UNC80: variants seen among roughly 807,000 people sequenced by gnomAD.
UNC80 encodes protein unc-80 homolog.
In UNC80, 164 loss-of-function variants were observed where a neutral mutation model predicts 384.6. The observed-to-expected ratio is 0.43, with a 90% CI of 0.38 to 0.49. UNC80 has a LOEUF of 0.49. Ranked by LOEUF, UNC80 falls within the 20% of genes least tolerant of loss-of-function variation. UNC80 has a pLI of 0.00. For synonymous variants in UNC80, 1,486 were observed against 1,527.8 expected (o/e 0.97, Z 0.64); for missense variants, 3,330 against 4,143.0 (o/e 0.80, Z 5.39).
intron 9 of UNC80, 135 bp downstream of exon 9, chr2:209,815,526 T>G (rs2079671390): frequency 3.5e-6 from 3 of 868,154 alleles, no homozygotes; most frequent in Non-Finnish European, 5.2e-6. Flanking sequence ...AGCTCCTAGA[T>G]GTGACACTGA....
intron 51 of UNC80, among the ~76,000 whole-genome samples, chr2:209,962,774 T>C (rs1366197719): frequency 6.6e-6 from 1 of 152,200 alleles, no homozygotes; most frequent in Non-Finnish European, 1.5e-5. Context: ...CAGATCCAGA[T>C]GCTTTGAACT....
At chr2:209,991,351 T>A (rs1294732672) in intron 61 of UNC80, among the ~76,000 whole-genome samples, 1 of 152,188 alleles carries the variant, frequency 6.6e-6, no homozygotes, top group Non-Finnish European at 1.5e-5. Flanking sequence ...CTTTTATACA[T>A]GCATGCAGAA....
intron 48 of UNC80, among the ~76,000 whole-genome samples, chr2:209,957,358 T>C (rs1194138731): frequency 6.6e-6 from 1 of 152,162 alleles, no homozygotes; most frequent in Non-Finnish European, 1.5e-5. Context: ...TCTGTAGATA[T>C]TTCATAAATG....
chr2:209,840,499 T>A, intron 19 of UNC80, 43 bp from the exon 20 acceptor site: 1 of 1,483,122 alleles, frequency 6.7e-7, no homozygotes, highest in Non-Finnish European at 9.2e-7. Flanking sequence ...ATTGATTGGA[T>A]AGAAAATGCT....
intron 2 of UNC80, among the ~76,000 whole-genome samples, chr2:209,773,937 C>T (rs2076724279): frequency 6.6e-6 from 1 of 152,160 alleles, no homozygotes; most frequent in African/African-American, 2.4e-5. Flanking sequence ...ATTCTTGTTT[C>T]ACAAATTGAG....
chr2:209,982,096 A>G, intron 59 of UNC80, 83 bp from the exon 60 acceptor site: 1 of 1,414,914 alleles, frequency 7.1e-7, no homozygotes, highest in South Asian at 1.4e-5. Context: ...CAAGCCAAGG[A>G]CAGAACCCAA....
At chr2:209,957,474 A>C (rs1258349780) in intron 48 of UNC80, among the ~76,000 whole-genome samples, 170 bp from the exon 49 acceptor site, 3 of 152,210 alleles carry the variant, frequency 2.0e-5, no homozygotes, top group Non-Finnish European at 4.4e-5. Context: ...TGTTCTTTTA[A>C]AGTGCCTCTC....
chr2:209,828,247 A>G (rs748214594), intron 14 of UNC80, among the ~76,000 whole-genome samples: 8 of 152,168 alleles, frequency 5.3e-5, no homozygotes, highest in Non-Finnish European at 1.0e-4. Flanking sequence ...TTTATGCAAA[A>G]TATATTTTAC....
At chr2:209,843,513 A>G (rs1249906052) in intron 21 of UNC80, among the ~76,000 whole-genome samples, 5 of 152,168 alleles carry the variant, frequency 3.3e-5, no homozygotes, top group Non-Finnish European at 7.4e-5. Flanking sequence ...AATAATTTTG[A>G]GGAGAATCCA....
At chr2:209,932,636 A>G (rs1296014303) in intron 38 of UNC80, among the ~76,000 whole-genome samples, 3 of 152,198 alleles carry the variant, frequency 2.0e-5, no homozygotes, top group African/African-American at 7.2e-5. Context: ...TAAAAGAAAT[A>G]AATCTCCAAA....
chr2:209,820,620 G>A lies in UNC80; in HGVS notation c.2272G>A (p.Gly758Arg). 1.3e-6 allele frequency: 2 copies of A among 1,550,516 alleles called. No individual in the cohort carries two copies. The highest frequency in any genetic ancestry group is 1.7e-6 in the Non-Finnish European group (2 of 1,146,486). Residue 758 changes from glycine to arginine, a missense_variant, in exon 13 of 65, where the codon GGA becomes AGA. Gly to Arg is a moderately radical substitution (Grantham distance 125). This residue lies in a region of UNC80 where 937 missense variants were observed against 1,026.8 expected (regional missense o/e 0.91). Transcript: ENST00000673920. ...GDGGGGGGDGGGGGGGGGGPY... is the reference protein window; with the variant it reads ...GDGGGGGGDGRGGGGGGGGPY... ...TGGAGGAGGTGGAGGAGGTGATGGAGGAGGAGGTGGAGGAGGTGGAGGCGG... is the reference window on the plus strand; with the variant it reads ...TGGAGGAGGTGGAGGAGGTGATGGAAGAGGAGGTGGAGGAGGTGGAGGCGG...
At chr2:209,840,183 G>T (rs10178431) in intron 19 of UNC80, among the ~76,000 whole-genome samples, 28,701 of 151,888 alleles carry the variant, frequency 0.19, 3,756 homozygotes, top group African/African-American at 0.36. Context: ...GCTAGTAGGT[G>T]AGGTATAAGT....
rs949514083 is a variant in UNC80 at position 209,936,883 on chromosome 2, A to G, written c.6313A>G (p.Thr2105Ala). 11 of 1,551,002 alleles carry G rather than the reference A, an allele frequency of 7.1e-6. No individual in the cohort carries two copies. The highest frequency in any genetic ancestry group is 9.6e-6 in the Non-Finnish European group (11 of 1,146,526). The change falls in exon 41 of 65, where the codon ACA (threonine) becomes GCA (alanine). Residue 2105 changes from threonine to alanine, a missense_variant. Around this residue, in one of 8 missense-constraint regions of UNC80, gnomAD observed 1,049 missense variants for 1,488.6 expected, o/e 0.70. Coordinates refer to ENST00000673920, the MANE Select transcript of UNC80 (RefSeq NM_001371986.1). ...EFFNIPESQSTHYFLMDKRWN... is the reference protein window; with the variant it reads ...EFFNIPESQSAHYFLMDKRWN... ...TTTTAATATCCCAGAATCCCAGTCA[A>G]CACATTATTTTCTTATGGATAAACG...
At position 209,839,526 on chromosome 2, in the gene UNC80, C is replaced by T. The variant is rs906419599; in HGVS notation, c.3250+96C>T. On this transcript the variant is annotated intron_variant, in intron 19 of 64. Coordinates refer to ENST00000673920, the MANE Select transcript of UNC80 (RefSeq NM_001371986.1). The surrounding 1 kb of genome is among the most constrained non-coding windows in gnomAD (Gnocchi z 4.1). Reference sequence around the variant, plus strand: ...GCATAGTAGGGCCGAAAAAGAAGACCTTCAAGTCATAAGACCTAGACTGAC... The same window carrying T: ...GCATAGTAGGGCCGAAAAAGAAGACTTTCAAGTCATAAGACCTAGACTGAC... 17 of 1,299,608 alleles carry T rather than the reference C, an allele frequency of 1.3e-5. No individual in the cohort carries two copies. The highest frequency in any genetic ancestry group is 1.4e-5 in the Non-Finnish European group (13 of 934,532). 80.5% of individuals were successfully genotyped at this position (1,299,608 alleles called of 1,614,324 possible).
intron 26 of UNC80, among the ~76,000 whole-genome samples, chr2:209,892,636 G>A (rs114731885): frequency 1.7e-3 from 258 of 152,208 alleles, no homozygotes; most frequent in African/African-American, 5.8e-3. Flanking sequence ...GAATATTAGC[G>A]TGTGCCTCTG....
At chr2:209,942,925 A>G (rs1429448597) in intron 44 of UNC80, among the ~76,000 whole-genome samples, 3 of 152,126 alleles carry the variant, frequency 2.0e-5, no homozygotes, top group Admixed American at 6.6e-5. Flanking sequence ...TAGTTTTTTC[A>G]TATAACACTA....
At chr2:209,898,287 CTTCT>C in intron 28 of UNC80, among the ~76,000 whole-genome samples, 1 of 151,664 alleles carries the variant, frequency 6.6e-6, no homozygotes, top group South Asian at 2.1e-4. Flanking sequence ...TTTTTCTTAA[CTTCT>C]TGACACGGAT....
At chr2:209,778,462 A>G (rs182157437) in intron 4 of UNC80, among the ~76,000 whole-genome samples, 22 of 152,348 alleles carry the variant, frequency 1.4e-4, no homozygotes, top group Non-Finnish European at 2.9e-4. Flanking sequence ...AGTAGGGTAT[A>G]GCCTAAGAAT....
At chr2:209,920,327 A>G (rs1015916151) in intron 33 of UNC80, among the ~76,000 whole-genome samples, 2 of 152,200 alleles carry the variant, frequency 1.3e-5, no homozygotes, top group Non-Finnish European at 2.9e-5. Context: ...CTGTGTGACT[A>G]TAAGCCAACA....
Sources: gnomAD v4.1 joint callset for allele counts (sites outside exome capture counted in the v4.1 genomes callset) on GRCh38, gnomAD v4.1.1 for gene constraint, gnomAD v4.1.1 regional missense constraint, Gnocchi (gnomAD v3.1) non-coding constraint, MANE v1.5 for transcripts, NCBI Gene and HGNC (gene_info 2026-07-23, HGNC 2026-07-21) for gene names.